The following SDSL variants were observed in gnomAD, a reference collection of about 807,000 sequenced individuals.
SDSL encodes the protein serine dehydratase like.
Under a neutral mutation model 27.6 loss-of-function variants are expected in SDSL, and 26 were observed. The observed-to-expected ratio is 0.94, with a 90% CI of 0.69 to 1.31. The LOEUF (loss-of-function observed/expected upper bound fraction) is 1.31. Ranked by LOEUF, SDSL falls within the 50% of genes most tolerant of loss-of-function variation. The pLI is 0.00. For synonymous variants in SDSL, 196 were observed against 180.6 expected, an observed-to-expected ratio of 1.09 and a Z score of -0.69; for missense variants, 431 against 423.5, an observed-to-expected ratio of 1.02 and a Z score of -0.16.
chr12:113,426,764 C>T (rs1460275485), intron 1 of SDSL, among the ~76,000 whole-genome samples: 1 of 151,994 alleles, frequency 6.6e-6, no homozygotes, highest in Non-Finnish European at 1.5e-5. Context: ...ATAGTGAGAC[C>T]CTATCTCTAC....
chr12:113,435,158 C>T (rs1458312595), intron 5 of SDSL, among the ~76,000 whole-genome samples, 171 bp from the exon 6 acceptor site: 1 of 152,100 alleles, frequency 6.6e-6, no homozygotes, highest in East Asian at 1.9e-4. Flanking sequence ...AGTGAAGTAA[C>T]TGTTGCAGGA....
intron 4 of SDSL, among the ~76,000 whole-genome samples, chr12:113,429,717 G>C (rs1319394213): frequency 6.6e-6 from 1 of 151,972 alleles, no homozygotes; most frequent in African/African-American, 2.4e-5. Context: ...GATATCACCG[G>C]TTCCCTTTGT....
chr12:113,430,548 T>G (rs1957909090), intron 4 of SDSL, among the ~76,000 whole-genome samples: 1 of 152,066 alleles, frequency 6.6e-6, no homozygotes, highest in African/African-American at 2.4e-5. Context: ...CAGTGGCCAC[T>G]GGGGGCACGT....
Position 113,428,050 on chromosome 12 carries a change from G to C in SDSL, c.68G>C (p.Ser23Thr). 1.2e-6 allele frequency: 2 copies of C among 1,614,012 alleles called. No individual in the cohort carries two copies. The highest frequency in any genetic ancestry group is 2.2e-5 in the East Asian group (1 of 44,878). ...PFHVVTPLLESWALSQVAGMP... is the reference protein window; with the variant it reads ...PFHVVTPLLETWALSQVAGMP... ...CACGTGGTCACACCTCTGTTGGAGA[G>C]CTGGGCGCTGTCCCAGGTGGCGGGC... Residue 23 changes from serine to threonine, a missense_variant, in exon 2 of 8, where the codon AGC becomes ACC. Physicochemically the swap from Ser to Thr is moderately conservative, Grantham distance 58. Coordinates refer to ENST00000403593, the MANE Select transcript of SDSL (RefSeq NM_001304993.2).
Position 113,435,479 on chromosome 12 carries a change from C to T in SDSL, c.594C>T (p.Ala198=). ...EVGWQHVPII[A]METHGAHCFN... Reference sequence around the variant, plus strand: ...GCTGGCAGCATGTACCCATCATTGCCATGGAGACCCATGGGGCACACTGCT... The same window carrying T: ...GCTGGCAGCATGTACCCATCATTGCTATGGAGACCCATGGGGCACACTGCT... The change falls in exon 6 of 8, where the codon GCC becomes GCT. Residue 198 remains alanine (A), a synonymous_variant. Coordinates refer to ENST00000403593, the MANE Select transcript of SDSL (RefSeq NM_001304993.2). 1 of 1,614,160 alleles carries T rather than the reference C, an allele frequency of 6.2e-7. No individual in the cohort carries two copies. Among genetic ancestry groups the T allele is most frequent in the Non-Finnish European group, 8.5e-7 (1 of 1,180,016 alleles).
chr12:113,428,408 T>C lies in SDSL; in HGVS notation c.175-12T>C. 1 of 1,610,988 alleles carries C rather than the reference T, an allele frequency of 6.2e-7. No individual in the cohort carries two copies. Among genetic ancestry groups the C allele is most frequent in the Non-Finnish European group, 8.5e-7 (1 of 1,178,998 alleles). ...TTGGGTTAGCCGCTAACCCCATTCC[T>C]TCTCTTCCCAGATGGCCAAGAAGGG... On this transcript the variant is annotated splice_polypyrimidine_tract_variant and intron_variant, in intron 2 of 7. Coordinates refer to ENST00000403593, the MANE Select transcript of SDSL (RefSeq NM_001304993.2).
intron 2 of SDSL, 69 bp from the exon 3 acceptor site, chr12:113,428,351 C>A: frequency 1.3e-6 from 2 of 1,508,956 alleles, no homozygotes; most frequent in Non-Finnish European, 1.8e-6. Flanking sequence ...GAGACTCTAA[C>A]GCCATTCCAC....
chr12:113,426,209 G>A (rs147464291), intron 1 of SDSL: 2 of 455,052 alleles, frequency 4.4e-6, no homozygotes, highest in East Asian at 7.0e-5. Context: ...TTTCTCCCTC[G>A]AGGTGGTCCT....
At chr12:113,429,733 A>G (rs73196809) in intron 4 of SDSL, among the ~76,000 whole-genome samples, 9,084 of 152,236 alleles carry the variant, frequency 0.06, 357 homozygotes, top group Non-Finnish European at 0.092. Flanking sequence ...TTTGTTACCA[A>G]AGAAATAGAG....
At chr12:113,434,018 A>G (rs533555814) in intron 4 of SDSL, 116 bp from the exon 5 acceptor site, 1 of 771,886 alleles carries the variant, frequency 1.3e-6, no homozygotes, top group Non-Finnish European at 2.1e-6. Context: ...TCTCATCTGC[A>G]GGGCTGTCCC....
Position 113,438,270 on chromosome 12 carries a change from G to A in SDSL, c.*191G>A. On this transcript the variant is annotated 3_prime_UTR_variant, in exon 8 of 8. Transcript: ENST00000403593. ...CAACTCCGGCCAATAAACACTTTCT[G>A]AATTGAGTTTGCGAATGCTATGGAT... is the stretch of plus-strand genomic sequence containing the variant. The A allele has an allele frequency of 4.0e-6, 2 of 505,756 alleles. No individual in the cohort carries two copies. Among genetic ancestry groups the A allele is most frequent in the Admixed American group, 3.6e-5 (1 of 27,814 alleles). 31.3% of individuals were successfully genotyped at this position (505,756 alleles called of 1,614,324 possible).
intron 4 of SDSL, among the ~76,000 whole-genome samples, chr12:113,429,967 T>TTCCCTCCCTCCC (rs200156503): frequency 6.7e-6 from 1 of 148,676 alleles, no homozygotes; most frequent in African/African-American, 2.5e-5. Context: ...TCCTTCCCTC[T>TTCCCTCCCTCCC]TCCCTCCCTC....
intron 7 of SDSL, 136 bp from the exon 8 acceptor site, chr12:113,437,750 T>C (rs1958015948): frequency 5.2e-6 from 4 of 765,914 alleles, no homozygotes; most frequent in Admixed American, 4.9e-5. Context: ...AGACAAGTGA[T>C]GGATTGCCAG....
chr12:113,429,167 T>C lies in SDSL; in HGVS notation c.222T>C (p.Asn74=), dbSNP rs2136952507. 1 of 1,613,006 alleles carries C rather than the reference T, an allele frequency of 6.2e-7. No individual in the cohort carries two copies. Among genetic ancestry groups the C allele is most frequent in the East Asian group, 2.2e-5 (1 of 44,836 alleles). Residue 74 remains asparagine, a synonymous_variant, in exon 4 of 8, where the codon AAT becomes AAC. Transcript: ENST00000403593. The part of the protein sequence containing the change: ...CRHLVCSSGG[N]AGIAAAYAAR... ...TTCCTCCTTTCTGCACAGGGGGTAA[T>C]GCGGGCATCGCTGCTGCCTATGCTG...
chr12:113,436,487 C>G (rs1957995502), intron 6 of SDSL, among the ~76,000 whole-genome samples: 1 of 152,174 alleles, frequency 6.6e-6, no homozygotes, highest in Admixed American at 6.5e-5. Context: ...GGGGTTTCAC[C>G]ATGTTGGTCA....
chr12:113,431,740 A>AC (rs1235977709), intron 4 of SDSL, among the ~76,000 whole-genome samples: 2 of 122,404 alleles, frequency 1.6e-5, no homozygotes, highest in Admixed American at 1.7e-4. Flanking sequence ...CACCCAGCTA[A>AC]TTTTTTTTTT....
At chr12:113,428,221 G>A (rs977677452) in intron 2 of SDSL, 65 bp downstream of exon 2, 6 of 1,492,836 alleles carry the variant, frequency 4.0e-6, no homozygotes, top group African/African-American at 2.8e-5. Flanking sequence ...AGTGAGGGGT[G>A]TGGGCTGGGG....
intron 1 of SDSL, 40 bp from the exon 2 acceptor site, chr12:113,427,922 A>T (rs906707301): frequency 3.9e-6 from 6 of 1,546,484 alleles, no homozygotes; most frequent in Admixed American, 3.9e-5. Flanking sequence ...GGAACTCTTG[A>T]TGGGGACTGC....
At chr12:113,437,843 C>T (rs368214903) in intron 7 of SDSL, 43 bp from the exon 8 acceptor site, 8 of 1,536,092 alleles carry the variant, frequency 5.2e-6, no homozygotes, top group Non-Finnish European at 7.0e-6. Flanking sequence ...CCGAGTGGTT[C>T]TTCTTCCCTT....
Sources: allele counts gnomAD v4.1 joint callset (sites outside exome capture counted in the v4.1 genomes callset), GRCh38; gene constraint gnomAD v4.1.1; transcripts MANE v1.5; gene names NCBI Gene and HGNC (gene_info 2026-07-23, HGNC 2026-07-21).